The following MYRIP variants were observed in gnomAD, a reference collection of about 807,000 sequenced individuals.
MYRIP encodes the protein rab effector MyRIP.
A neutral mutation model predicts 98.0 loss-of-function variants in MYRIP; 49 were observed. The ratio of observed to expected loss-of-function variants is 0.50; its 90% CI spans 0.40 to 0.63. MYRIP has a LOEUF of 0.63. Among genes scored for constraint, MYRIP ranks in the 30% least tolerant of loss-of-function variants. The probability of loss-of-function intolerance (pLI) is 0.00; values close to 1 mark genes in which losing one functional copy is unlikely to be tolerated. For missense variants in MYRIP, 1,004 were observed against 1,058.2 expected, an observed-to-expected ratio of 0.95 and a Z score of 0.71; for synonymous variants, 404 against 409.5, an observed-to-expected ratio of 0.99 and a Z score of 0.16.
intron 1 of MYRIP, among the ~76,000 whole-genome samples, chr3:39,843,551 G>C (rs1324206347): frequency 6.6e-6 from 1 of 152,174 alleles, no homozygotes; most frequent in African/African-American, 2.4e-5. Context: ...ATTTCATCAA[G>C]TGATATGTTA....
At chr3:40,121,016 G>T (rs1220971560) in intron 3 of MYRIP, among the ~76,000 whole-genome samples, 1 of 152,138 alleles carries the variant, frequency 6.6e-6, no homozygotes, top group Non-Finnish European at 1.5e-5. Flanking sequence ...TCAAGCATGA[G>T]GGTGGAGCTA....
intron 3 of MYRIP, among the ~76,000 whole-genome samples, chr3:40,092,884 C>T (rs779192519): frequency 3.3e-5 from 5 of 152,122 alleles, no homozygotes; most frequent in Admixed American, 6.5e-5. Flanking sequence ...TCTGTGTTCC[C>T]GTCGCAGGAG....
intron 2 of MYRIP, among the ~76,000 whole-genome samples, chr3:39,953,674 G>A (rs1165881583): frequency 6.6e-6 from 1 of 152,104 alleles, no homozygotes; most frequent in Non-Finnish European, 1.5e-5. Context: ...GATCTCACTG[G>A]GGCTTGTTGG....
chr3:39,978,271 T>C (rs938696228), intron 2 of MYRIP, among the ~76,000 whole-genome samples: 2 of 152,206 alleles, frequency 1.3e-5, no homozygotes, highest in Non-Finnish European at 2.9e-5. Context: ...TGCATTGATA[T>C]GTATCAGACT....
intron 1 of MYRIP, among the ~76,000 whole-genome samples, chr3:39,898,998 G>T (rs561322701): frequency 2.0e-5 from 3 of 152,180 alleles, no homozygotes; most frequent in African/African-American, 7.2e-5. Flanking sequence ...TAATAACAAG[G>T]TGAAGCAGCA....
chr3:39,991,198 A>G (rs1559551255), intron 2 of MYRIP, among the ~76,000 whole-genome samples: 1 of 152,218 alleles, frequency 6.6e-6, no homozygotes, highest in Non-Finnish European at 1.5e-5. Context: ...AAATTGGTCT[A>G]AGTGTCTGCC....
At chr3:40,053,598 G>A (rs1196142846) in intron 3 of MYRIP, among the ~76,000 whole-genome samples, 2 of 152,222 alleles carry the variant, frequency 1.3e-5, no homozygotes, top group East Asian at 1.9e-4. Context: ...GATAAACCAC[G>A]TGTAGGGCCA....
chr3:39,815,724 C>G (rs1386145990), intron 1 of MYRIP, among the ~76,000 whole-genome samples: 1 of 152,056 alleles, frequency 6.6e-6, no homozygotes, highest in Non-Finnish European at 1.5e-5. Flanking sequence ...TGCCTAGGGC[C>G]TCTGGCATAA....
intron 2 of MYRIP, among the ~76,000 whole-genome samples, chr3:39,971,803 G>A (rs980360122): frequency 3.3e-5 from 5 of 151,912 alleles, no homozygotes; most frequent in Non-Finnish European, 7.4e-5. Flanking sequence ...TTCTGTCTTC[G>A]TGGATGAGAC....
chr3:40,028,617 CT>C (rs939199835), intron 2 of MYRIP, among the ~76,000 whole-genome samples: 1 of 152,070 alleles, frequency 6.6e-6, no homozygotes, highest in African/African-American at 2.4e-5. Flanking sequence ...GGTTGGGGAA[CT>C]TTTTGGTAAG....
At chr3:40,048,769 A>G (rs1947725266) in intron 3 of MYRIP, among the ~76,000 whole-genome samples, 1 of 152,144 alleles carries the variant, frequency 6.6e-6, no homozygotes, top group Admixed American at 6.6e-5. Context: ...ATTAAAATGT[A>G]TTTCTGTTAT....
Position 40,105,724 on chromosome 3 carries a change from G to C in MYRIP, c.333-45324G>C, listed in dbSNP as rs772547638. ...CCTCAGGAAACTTATGATCATGGTG[G>C]AAGGTGAAGGGGAAGAAAGGACCTT... On this transcript the variant is annotated intron_variant, in intron 3 of 16. Coordinates refer to ENST00000302541, the MANE Select transcript of MYRIP (RefSeq NM_015460.4). 5.8e-4 allele frequency among the ~76,000 whole-genome samples: 89 copies of C among 152,274 alleles called. 2 individuals are homozygous for C. The highest frequency in any genetic ancestry group is 6.8e-3 in the Middle Eastern group (2 of 294).
At chr3:40,081,863 A>T (rs544620159) in intron 3 of MYRIP, among the ~76,000 whole-genome samples, 12 of 151,732 alleles carry the variant, frequency 7.9e-5, no homozygotes, top group African/African-American at 2.7e-4. Context: ...CCACCATTCT[A>T]CTCTCTGCTA....
chr3:40,244,688 C>A (rs1421578471), intron 13 of MYRIP, 81 bp downstream of exon 13: 3 of 1,425,518 alleles, frequency 2.1e-6, no homozygotes, highest in Non-Finnish European at 2.8e-6. Context: ...CACTTTAAAG[C>A]CATTGTATCT....
intron 1 of MYRIP, among the ~76,000 whole-genome samples, chr3:39,831,737 T>C (rs1329664386): frequency 2.0e-5 from 3 of 152,212 alleles, no homozygotes; most frequent in Non-Finnish European, 4.4e-5. Context: ...CTGAATTGAA[T>C]ATCACTTGAA....
At chr3:39,918,149 C>T (rs1471597811) in intron 2 of MYRIP, among the ~76,000 whole-genome samples, 1 of 152,090 alleles carries the variant, frequency 6.6e-6, no homozygotes, top group Non-Finnish European at 1.5e-5. Context: ...CTCCTGACCT[C>T]GTGATCCACC....
At chr3:39,955,237 A>C (rs1463566792) in intron 2 of MYRIP, among the ~76,000 whole-genome samples, 1 of 152,168 alleles carries the variant, frequency 6.6e-6, no homozygotes, top group East Asian at 1.9e-4. Context: ...AGATTCACCA[A>C]ACTTGAAATT....
At chr3:40,151,350 T>C (rs915892777) in intron 4 of MYRIP, among the ~76,000 whole-genome samples, 166 bp downstream of exon 4, 4 of 152,242 alleles carry the variant, frequency 2.6e-5, no homozygotes, top group African/African-American at 9.6e-5. Context: ...CCAGAGATTC[T>C]GCTAAGTTGT....
chr3:39,913,079 T>G (rs541028467), intron 2 of MYRIP, among the ~76,000 whole-genome samples: 5 of 152,156 alleles, frequency 3.3e-5, no homozygotes, highest in Non-Finnish European at 7.3e-5. Context: ...TATAATACAT[T>G]CTTCAATATT....
Sources: allele counts gnomAD v4.1 joint callset (sites outside exome capture counted in the v4.1 genomes callset), GRCh38; gene constraint gnomAD v4.1.1; transcripts MANE v1.5; gene names NCBI Gene and HGNC (gene_info 2026-07-23, HGNC 2026-07-21).